WT1: variants seen among roughly 807,000 people sequenced by gnomAD.
WT1 encodes WT1 transcription factor.
In WT1, 8 loss-of-function variants were observed where a neutral mutation model predicts 60.8. The observed-to-expected ratio is 0.13, with a 90% CI of 0.08 to 0.24. The LOEUF (loss-of-function observed/expected upper bound fraction) is 0.24, where lower values mean the gene tolerates loss of function less well. WT1 is among the 10% of genes least tolerant of loss of function. The pLI, the probability that WT1 is intolerant of heterozygous loss-of-function variation, is 1.00. For synonymous variants in WT1, 312 were observed against 297.1 expected (o/e 1.05, Z -0.52); for missense variants, 568 against 711.8 (o/e 0.80, Z 2.30).
chr11:32,423,890 C>T (rs1488615368), intron 3 of WT1, among the ~76,000 whole-genome samples: 1 of 152,126 alleles, frequency 6.6e-6, no homozygotes, highest in African/African-American at 2.4e-5. Context: ...TGGCCTGGTG[C>T]GGTGGCTCAC....
intron 5 of WT1, among the ~76,000 whole-genome samples, chr11:32,413,053 A>G (rs1482986365): frequency 6.6e-6 from 1 of 152,146 alleles, no homozygotes; most frequent in African/African-American, 2.4e-5. Flanking sequence ...AAGGAAACAA[A>G]CCTATTCTTT....
intron 6 of WT1, among the ~76,000 whole-genome samples, 174 bp from the exon 7 acceptor site, chr11:32,396,581 A>G (rs1253597741): frequency 6.6e-6 from 1 of 152,224 alleles, no homozygotes; most frequent in Non-Finnish European, 1.5e-5. Context: ...AATGGATGCT[A>G]GATCAGGACA....
intron 3 of WT1, among the ~76,000 whole-genome samples, chr11:32,420,719 G>C (rs560563520): frequency 2.6e-5 from 4 of 152,122 alleles, no homozygotes; most frequent in Admixed American, 6.5e-5. Flanking sequence ...CAAGAGTCTG[G>C]AGGTGAAAGA....
chr11:32,413,501 AT>A (rs201537880), intron 5 of WT1, among the ~76,000 whole-genome samples: 1,525 of 152,358 alleles, frequency 0.01, 26 homozygotes, highest in African/African-American at 0.035. Flanking sequence ...GGAATTACAG[AT>A]TCAACTAAAT....
chr11:32,417,460 G>A (rs1590375116), intron 4 of WT1, 117 bp downstream of exon 4: 1 of 930,060 alleles, frequency 1.1e-6, no homozygotes, highest in East Asian at 2.6e-5. Flanking sequence ...TAATGTCACA[G>A]AGAGCTTTGC....
At position 32,434,911 on chromosome 11, in the gene WT1, G is replaced by A. The variant is rs1213710686; in HGVS notation, c.450C>T (p.Ser150=). ...CCTCGTGCGGCTCCGCGCCGCCCCA[G>A]CTCGGCTCCTGTTTGATGAAGGAGT... is the stretch of plus-strand genomic sequence containing the variant. Residue 150 remains serine (S), a synonymous_variant, in exon 1 of 10, where the codon AGC becomes AGT. Coordinates refer to ENST00000452863, the MANE Select transcript of WT1 (RefSeq NM_024426.6). 1 of 1,609,618 alleles carries A rather than the reference G, an allele frequency of 6.2e-7. No individual in the cohort carries two copies. The highest frequency in any genetic ancestry group is 1.7e-5 in the Admixed American group (1 of 59,742).
Position 32,426,111 on chromosome 11 carries a change from G to C in WT1, c.887+1845C>G, listed in dbSNP as rs536589930. Among the ~76,000 whole-genome samples, 3 of 152,226 alleles carry C rather than the reference G, an allele frequency of 2.0e-5. No individual in the cohort carries two copies. The South Asian group carries it at 6.2e-4, about 32-fold the overall frequency. The stretch of plus-strand genomic sequence containing the variant: ...TCTCGGCTTGGGAGAGGGAAGTAAC[G>C]GATGTGTGTGTAGCTTCGAGTCACT... On this transcript the variant is annotated intron_variant, in intron 3 of 9. Coordinates refer to ENST00000452863, the MANE Select transcript of WT1 (RefSeq NM_024426.6).
intron 1 of WT1, among the ~76,000 whole-genome samples, chr11:32,432,475 G>A (rs375495797): frequency 4.6e-5 from 7 of 152,338 alleles, no homozygotes; most frequent in African/African-American, 1.7e-4. Context: ...TGCCCAATGA[G>A]CCTCAAGGGC....
chr11:32,404,870 C>A (rs1347801320), intron 5 of WT1, among the ~76,000 whole-genome samples: 1 of 152,146 alleles, frequency 6.6e-6, no homozygotes, highest in African/African-American at 2.4e-5. Context: ...AAAGATCTGG[C>A]CTAATAACTT....
chr11:32,430,455 G>T (rs61889226), intron 1 of WT1: 2 of 898,570 alleles, frequency 2.2e-6, no homozygotes, highest in Non-Finnish European at 3.1e-6. Flanking sequence ...AGAGAGGGAG[G>T]GAGAGAGAGA....
chr11:32,398,111 T>C (rs1244856558), intron 6 of WT1, among the ~76,000 whole-genome samples: 2 of 152,186 alleles, frequency 1.3e-5, no homozygotes, highest in African/African-American at 4.8e-5. Flanking sequence ...GTCGTCAGAT[T>C]TCCGTATTTC....
chr11:32,427,788 A>G (rs1853105133), intron 3 of WT1, among the ~76,000 whole-genome samples, 168 bp downstream of exon 3: 1 of 152,260 alleles, frequency 6.6e-6, no homozygotes, highest in African/African-American at 2.4e-5. Flanking sequence ...CAGGGAGATC[A>G]GCTTTAATTT....
At chr11:32,405,281 T>C (rs1459848545) in intron 5 of WT1, among the ~76,000 whole-genome samples, 1 of 152,110 alleles carries the variant, frequency 6.6e-6, no homozygotes. Flanking sequence ...GCTATACTTT[T>C]CCATTCTCAA....
Position 32,414,694 on chromosome 11 carries a change from G to A in WT1, c.1016+1796C>T, listed in dbSNP as rs557043974. 9.2e-5 allele frequency among the ~76,000 whole-genome samples: 14 copies of A among 152,208 alleles called. No homozygotes were observed. The East Asian group carries it at 1.9e-3, about 21-fold the overall frequency. ...TCAAGACCAGCCTGGCCAACATGGC[G>A]AAAACCTGTCTCTACCAAAAATACA... On this transcript the variant is annotated intron_variant, in intron 5 of 9. Coordinates refer to ENST00000452863, the MANE Select transcript of WT1 (RefSeq NM_024426.6).
chr11:32,423,827 G>A (rs2047521120), intron 3 of WT1, among the ~76,000 whole-genome samples: 1 of 152,236 alleles, frequency 6.6e-6, no homozygotes, highest in Non-Finnish European at 1.5e-5. Context: ...CCTGGTGCAT[G>A]TTAAGTCTAC....
chr11:32,416,677 TC>T, intron 4 of WT1, 137 bp from the exon 5 acceptor site: 1 of 1,100,880 alleles, frequency 9.1e-7, no homozygotes, highest in Non-Finnish European at 1.4e-6. Flanking sequence ...CTGAACTAAG[TC>T]CCCAGTCCCA....
intron 3 of WT1, among the ~76,000 whole-genome samples, chr11:32,423,271 T>C (rs1309311634): frequency 6.6e-6 from 1 of 152,186 alleles, no homozygotes; most frequent in Admixed American, 6.5e-5. Flanking sequence ...GGGAGAAAGG[T>C]CTCTGCCCTG....
chr11:32,411,537 T>C (rs772425328), intron 5 of WT1, among the ~76,000 whole-genome samples: 2 of 152,222 alleles, frequency 1.3e-5, no homozygotes, highest in Non-Finnish European at 2.9e-5. Flanking sequence ...CATAGTTTCA[T>C]CTAGGCTTTT....
chr11:32,419,007 A>G (rs1852769810), intron 3 of WT1, among the ~76,000 whole-genome samples: 1 of 152,158 alleles, frequency 6.6e-6, no homozygotes, highest in Non-Finnish European at 1.5e-5. Context: ...GCCGTCACTC[A>G]TCCCCGTGTC....
Sources: gnomAD v4.1 joint callset for allele counts (sites outside exome capture counted in the v4.1 genomes callset) on GRCh38, gnomAD v4.1.1 for gene constraint, MANE v1.5 for transcripts, NCBI Gene and HGNC (gene_info 2026-07-23, HGNC 2026-07-21) for gene names.